Variants in RGL1 observed in about 807,000 individuals in gnomAD.
The protein encoded by RGL1 is ral guanine nucleotide dissociation stimulator like 1.
A neutral mutation model predicts 95.2 loss-of-function variants in RGL1; 24 were observed. The ratio of observed to expected loss-of-function variants is 0.25; its 90% confidence interval spans 0.18 to 0.35. RGL1 has a LOEUF of 0.35. Among genes scored for constraint, RGL1 ranks in the 10% least tolerant of loss-of-function variants. The pLI, the probability that RGL1 is intolerant of heterozygous loss-of-function variation, is 1.00. For missense variants in RGL1, 715 were observed against 936.3 expected (o/e 0.76, Z 3.08); for synonymous variants, 329 against 344.9 (o/e 0.95, Z 0.51).
intron 1 of RGL1, among the ~76,000 whole-genome samples, chr1:183,642,586 TA>T (rs1296315100): frequency 6.6e-6 from 1 of 152,180 alleles, no homozygotes; most frequent in East Asian, 1.9e-4. Context: ...ATTATGAACC[TA>T]AAAAAACCTT....
upstream of RGL1, among the ~76,000 whole-genome samples, chr1:183,803,420 A>G (rs1661098905): frequency 6.6e-6 from 1 of 152,222 alleles, no homozygotes; most frequent in Admixed American, 6.5e-5. Context: ...AGTAGCATTC[A>G]GGTTCACTCA....
At chr1:183,772,926 G>A (rs1034021209) in intron 2 of RGL1, among the ~76,000 whole-genome samples, 12 of 147,644 alleles carry the variant, frequency 8.1e-5, no homozygotes, top group Non-Finnish European at 1.0e-4. Flanking sequence ...GGAGAATGGC[G>A]TGAACCCGGG....
chr1:183,786,734 C>G (rs186155733), intron 2 of RGL1, among the ~76,000 whole-genome samples: 1 of 152,198 alleles, frequency 6.6e-6, no homozygotes, highest in East Asian at 1.9e-4. Flanking sequence ...AAGAAACATT[C>G]TTTTTAAAGT....
At chr1:183,922,006 CAG>C (rs1669332521) in intron 16 of RGL1, among the ~76,000 whole-genome samples, 1 of 152,150 alleles carries the variant, frequency 6.6e-6, no homozygotes, top group African/African-American at 2.4e-5. Context: ...CGCTGTGACT[CAG>C]AGATTAGGTG....
intron 2 of RGL1, among the ~76,000 whole-genome samples, chr1:183,842,955 T>C (rs1424565400): frequency 2.0e-5 from 3 of 152,242 alleles, no homozygotes; most frequent in Non-Finnish European, 4.4e-5. Flanking sequence ...AGAGTATTTT[T>C]TGTGTTTCCC....
chr1:183,752,197 T>C (rs1658043628), intron 2 of RGL1, among the ~76,000 whole-genome samples: 1 of 152,120 alleles, frequency 6.6e-6, no homozygotes, highest in Non-Finnish European at 1.5e-5. Flanking sequence ...CCCTATTCCC[T>C]ATCCTTGTCA....
At chr1:183,805,927 A>T (rs1661262905) in intron 1 of RGL1, among the ~76,000 whole-genome samples, 2 of 147,166 alleles carry the variant, frequency 1.4e-5, no homozygotes, top group Non-Finnish European at 3.0e-5. Flanking sequence ...TAAAAAGTAC[A>T]GACTTATTCT....
At chr1:183,897,930 A>G in intron 10 of RGL1, 33 bp downstream of exon 10, 10 of 1,581,176 alleles carry the variant, frequency 6.3e-6, no homozygotes, top group Non-Finnish European at 8.7e-6. Flanking sequence ...CTGACAGCTC[A>G]CAGAGGAGAA....
At chr1:183,840,827 G>A (rs978915034) in intron 2 of RGL1, among the ~76,000 whole-genome samples, 1 of 152,148 alleles carries the variant, frequency 6.6e-6, no homozygotes, top group Admixed American at 6.5e-5. Context: ...GGGAGGTTGA[G>A]GCTGCATTGA....
intron 1 of RGL1, among the ~76,000 whole-genome samples, chr1:183,691,964 T>TA (rs1405494544): frequency 6.6e-6 from 1 of 151,788 alleles, no homozygotes; most frequent in African/African-American, 2.4e-5. Flanking sequence ...CAAAATGTAT[T>TA]ATCACTTCTG....
rs79115997 is a variant in RGL1, at chr1:183,868,097, T to A, written c.425+2024T>A. Among the ~76,000 whole-genome samples the A allele has an allele frequency of 3.7e-3, 558 of 152,328 alleles. 1 individual carries two copies. Among genetic ancestry groups the A allele is most frequent in the Middle Eastern group, 6.8e-3 (2 of 294 alleles). On this transcript the variant is annotated intron_variant, in intron 4 of 17. Transcript: ENST00000360851. ...CTCTTGGAGGAGGTTACCTTTGATC[T>A]GGGCCCTGAAGCATGGTGAAGATTT... is the stretch of plus-strand genomic sequence containing the variant.
intron 2 of RGL1, among the ~76,000 whole-genome samples, chr1:183,767,235 A>T (rs547110219): frequency 1.3e-5 from 2 of 151,256 alleles, no homozygotes; most frequent in Non-Finnish European, 2.9e-5. Flanking sequence ...TCTCAAAAAA[A>T]AAAAAAAAAA....
At chr1:183,673,083 C>T (rs537832038) in intron 1 of RGL1, among the ~76,000 whole-genome samples, 3 of 152,334 alleles carry the variant, frequency 2.0e-5, no homozygotes, top group Non-Finnish European at 4.4e-5. Flanking sequence ...GATTAATCTA[C>T]TGAGCCTTTA....
At chr1:183,735,927 A>G (rs1471425802) in intron 1 of RGL1, among the ~76,000 whole-genome samples, 1 of 152,220 alleles carries the variant, frequency 6.6e-6, no homozygotes, top group Non-Finnish European at 1.5e-5. Flanking sequence ...CTGTATCTTG[A>G]GACCTTCTTG....
At chr1:183,879,207 A>G (rs546571088) in intron 4 of RGL1, among the ~76,000 whole-genome samples, 1 of 141,188 alleles carries the variant, frequency 7.1e-6, no homozygotes, top group Admixed American at 7.0e-5. Context: ...TAGTGAAACA[A>G]TGATCTACAC....
chr1:183,748,196 T>A (rs187807877), intron 2 of RGL1, among the ~76,000 whole-genome samples: 2 of 152,202 alleles, frequency 1.3e-5, no homozygotes, highest in South Asian at 2.1e-4. Context: ...TTTTATTGTG[T>A]CTATTTGATC....
intron 2 of RGL1, among the ~76,000 whole-genome samples, chr1:183,790,923 T>TACACACACACAC (rs66642623): frequency 6.7e-6 from 1 of 150,242 alleles, no homozygotes; most frequent in Admixed American, 6.6e-5. Flanking sequence ...CATGTATGTG[T>TACACACACACAC]ACACACACAC....
At chr1:183,741,582 A>G (rs77320895) in intron 1 of RGL1, among the ~76,000 whole-genome samples, 1 of 152,214 alleles carries the variant, frequency 6.6e-6, no homozygotes, top group Non-Finnish European at 1.5e-5. Flanking sequence ...AATACATCAT[A>G]TTGTTAATAC....
chr1:183,902,134 A>C (rs1440181438), intron 11 of RGL1, among the ~76,000 whole-genome samples: 1 of 152,234 alleles, frequency 6.6e-6, no homozygotes, highest in African/African-American at 2.4e-5. Flanking sequence ...AGCTGAGGGG[A>C]TGAAGAATTG....
Sources: allele counts gnomAD v4.1 joint callset (sites outside exome capture counted in the v4.1 genomes callset), GRCh38; gene constraint gnomAD v4.1.1; transcripts MANE v1.5; gene names NCBI Gene and HGNC (gene_info 2026-07-23, HGNC 2026-07-21).